Variants in RRP15 observed in about 807,000 individuals in gnomAD.
RRP15 encodes the protein RRP15-like protein.
Under a neutral mutation model 27.1 loss-of-function variants are expected in RRP15, and 18 were observed. The ratio of observed to expected loss-of-function variants is 0.66; its 90% confidence interval spans 0.46 to 0.98. The LOEUF is 0.98. Ranked by LOEUF, RRP15 falls within the 50% of genes least tolerant of loss-of-function variation. The pLI, the probability that RRP15 is intolerant of heterozygous loss-of-function variation, is 0.00. For synonymous variants in RRP15, 107 were observed against 109.4 expected, an observed-to-expected ratio of 0.98 and a Z score of 0.14; for missense variants, 359 against 337.8, an observed-to-expected ratio of 1.06 and a Z score of -0.49.
chr1:218,299,943 T>G, intron 1 of RRP15, among the ~76,000 whole-genome samples: 1 of 152,182 alleles, frequency 6.6e-6, no homozygotes, highest in East Asian at 1.9e-4. Flanking sequence ...TTCAGTCTTT[T>G]ATTGAATTTG....
chr1:218,316,393 T>A (rs1656090440), intron 4 of RRP15, among the ~76,000 whole-genome samples: 1 of 152,196 alleles, frequency 6.6e-6, no homozygotes, highest in African/African-American at 2.4e-5. Context: ...ATTTGACTTT[T>A]AAAAATGCAT....
In RRP15 at chr1:218,332,525, A is replaced by T. The variant is rs1215013111; in HGVS notation, c.*1434A>T. ...CCAGTTGCACATACTTGCATCTGTT[A>T]TGTATTGAAGGATAATCCCCCCCAA... On this transcript the variant is annotated 3_prime_UTR_variant, in exon 5 of 5. Coordinates refer to ENST00000366932, the MANE Select transcript of RRP15 (RefSeq NM_016052.4). 6.6e-6 allele frequency: 1 copy of T among 152,140 alleles called. No individual in the cohort carries two copies. The highest frequency in any genetic ancestry group is 1.9e-4 in the East Asian group (1 of 5,194). The allele number at this position is 152,140 out of a possible 1,614,324, so 9.4% of individuals were successfully genotyped here.
rs1418545699 is a variant in RRP15 at position 218,336,571 on chromosome 1, A to G, written c.*5480A>G. ...TTTGCATTTGCAGAACCAGACTTCA[A>G]TCTTAGGTAAAAATGTATCCCTCCC... On this transcript the variant is annotated 3_prime_UTR_variant, in exon 5 of 5. Transcript: ENST00000366932. The G allele has an allele frequency of 6.6e-6, 1 of 152,596 alleles. No homozygotes were observed. The highest frequency in any genetic ancestry group is 2.1e-4 in the South Asian group (1 of 4,818). 9.5% of individuals were successfully genotyped at this position (152,596 alleles called of 1,614,324 possible).
Position 218,334,967 on chromosome 1 carries a change from T to A in RRP15, c.*3876T>A, listed in dbSNP as rs971770895. ...AGCTTTTCTGAAATTTGATTAAACA[T>A]ATTAGTCAAGGGAATCTGTGAATAG... On this transcript the variant is annotated 3_prime_UTR_variant, in exon 5 of 5. Transcript: ENST00000366932. The A allele has an allele frequency of 6.6e-6, 1 of 152,198 alleles. No homozygotes were observed. The highest frequency in any genetic ancestry group is 2.4e-5 in the African/African-American group (1 of 41,452). 9.4% of individuals were successfully genotyped at this position (152,198 alleles called of 1,614,324 possible). A position where few individuals can be genotyped will look rare whatever the true frequency, so the allele number is the denominator to read the frequency against.
At chr1:218,312,337 C>G (rs1571802575) in intron 4 of RRP15, among the ~76,000 whole-genome samples, 1 of 129,498 alleles carries the variant, frequency 7.7e-6, no homozygotes, top group South Asian at 2.4e-4. Context: ...CGTTTTGATT[C>G]TTTTCTTTTT....
chr1:218,291,656 C>T (rs1451545417), intron 1 of RRP15, among the ~76,000 whole-genome samples: 3 of 150,586 alleles, frequency 2.0e-5, no homozygotes, highest in African/African-American at 4.9e-5. Flanking sequence ...CTCAGCCTTC[C>T]GAGTAGCTGG....
Position 218,334,549 on chromosome 1 carries a change from G to C in RRP15, c.*3458G>C, listed in dbSNP as rs1339050286. On this transcript the variant is annotated 3_prime_UTR_variant, in exon 5 of 5. Coordinates refer to ENST00000366932, the MANE Select transcript of RRP15 (RefSeq NM_016052.4). Reference sequence around the variant, plus strand: ...ACTGATGAAGTTTATGTAGAGCTGTGAATATTATAATTTGTCAATACTTTA... The same window carrying C: ...ACTGATGAAGTTTATGTAGAGCTGTCAATATTATAATTTGTCAATACTTTA... The C allele has an allele frequency of 6.6e-6, 1 of 152,122 alleles. No homozygotes were observed. The highest frequency in any genetic ancestry group is 1.5e-5 in the Non-Finnish European group (1 of 68,024). The allele number at this position is 152,122 out of a possible 1,614,324, so 9.4% of individuals were successfully genotyped here.
At chr1:218,294,869 A>T (rs1017985749) in intron 1 of RRP15, among the ~76,000 whole-genome samples, 17 of 152,276 alleles carry the variant, frequency 1.1e-4, no homozygotes, top group Admixed American at 3.9e-4. Context: ...ATACAAGAAG[A>T]TACTCCTTTG....
rs1015435644 is a variant in RRP15, at chr1:218,332,187, T to C, written c.*1096T>C. The C allele has an allele frequency of 1.3e-5, 2 of 152,148 alleles. No individual in the cohort carries two copies. The highest frequency in any genetic ancestry group is 4.8e-5 in the African/African-American group (2 of 41,440). The allele number at this position is 152,148 out of a possible 1,614,324, so 9.4% of individuals were successfully genotyped here. On this transcript the variant is annotated 3_prime_UTR_variant, in exon 5 of 5. Transcript: ENST00000366932. ...TTTTTTTCCTCCCAAATATTTGAGT[T>C]AGCTTAAATTCTTTTTTATGGACTG...
intron 4 of RRP15, among the ~76,000 whole-genome samples, chr1:218,314,007 A>G (rs760233486): frequency 7.3e-5 from 11 of 150,924 alleles, no homozygotes; most frequent in Non-Finnish European, 1.3e-4. Context: ...ATTTTATTTT[A>G]TTTTATGTTT....
At position 218,336,074 on chromosome 1, in the gene RRP15, A is replaced by C. The variant is rs1656442917; in HGVS notation, c.*4983A>C. ...GAGAACTGCCGGAGCAACAGATACCACCATGTAAGGAGTGAATTCCCATGT... is the reference window on the plus strand; with the variant it reads ...GAGAACTGCCGGAGCAACAGATACCCCCATGTAAGGAGTGAATTCCCATGT... On this transcript the variant is annotated 3_prime_UTR_variant, in exon 5 of 5. Coordinates refer to ENST00000366932, the MANE Select transcript of RRP15 (RefSeq NM_016052.4). 6.6e-6 allele frequency: 1 copy of C among 152,196 alleles called. No individual in the cohort carries two copies. The highest frequency in any genetic ancestry group is 1.5e-5 in the Non-Finnish European group (1 of 68,024). 9.4% of individuals were successfully genotyped at this position (152,196 alleles called of 1,614,324 possible).
chr1:218,291,636 A>G (rs1009551180), intron 1 of RRP15, among the ~76,000 whole-genome samples: 5 of 149,062 alleles, frequency 3.4e-5, no homozygotes, highest in African/African-American at 1.2e-4. Context: ...GGTTCAAGCA[A>G]TTCTTCTGCC....
At chr1:218,296,563 G>T (rs1430427111) in intron 1 of RRP15, among the ~76,000 whole-genome samples, 2 of 151,634 alleles carry the variant, frequency 1.3e-5, no homozygotes, top group African/African-American at 4.9e-5. Flanking sequence ...AGAGGATTGT[G>T]TGAGCCTGGG....
In RRP15 at chr1:218,331,992, T is replaced by C. The variant is rs1656378642; in HGVS notation, c.*901T>C. The C allele has an allele frequency of 6.6e-6, 1 of 152,148 alleles. No individual in the cohort carries two copies. The highest frequency in any genetic ancestry group is 6.5e-5 in the Admixed American group (1 of 15,284). The allele number at this position is 152,148 out of a possible 1,614,324, so 9.4% of individuals were successfully genotyped here. On this transcript the variant is annotated 3_prime_UTR_variant, in exon 5 of 5. Transcript: ENST00000366932. ...TGCGCCCGGCCCAGATTTCAACTTT[T>C]ATTTTATTTCCTTTCATTTATTAAA...
At chr1:218,312,850 T>G (rs1017248538) in intron 4 of RRP15, among the ~76,000 whole-genome samples, 1 of 152,218 alleles carries the variant, frequency 6.6e-6, no homozygotes, top group Non-Finnish European at 1.5e-5. Context: ...TTCAGATTCC[T>G]TATAGTTTTC....
intron 4 of RRP15, among the ~76,000 whole-genome samples, chr1:218,314,349 A>G (rs1225276092): frequency 6.6e-6 from 1 of 152,216 alleles, no homozygotes; most frequent in Non-Finnish European, 1.5e-5. Flanking sequence ...TCAAGATTTT[A>G]TTAATGTAGA....
chr1:218,305,205 C>A, intron 3 of RRP15, 80 bp downstream of exon 3: 3 of 1,099,642 alleles, frequency 2.7e-6, no homozygotes, highest in Non-Finnish European at 4.1e-6. Context: ...CAATTTGATT[C>A]TTAAGCTCAG....
chr1:218,290,975 G>T (rs1446792725), intron 1 of RRP15, among the ~76,000 whole-genome samples: 2 of 150,850 alleles, frequency 1.3e-5, no homozygotes, highest in Non-Finnish European at 1.5e-5. Flanking sequence ...CAAAAAAAAT[G>T]GAAAAAACTA....
chr1:218,335,354 T>A lies in RRP15; in HGVS notation c.*4263T>A, dbSNP rs1656432586. On this transcript the variant is annotated 3_prime_UTR_variant, in exon 5 of 5. Transcript: ENST00000366932. The stretch of plus-strand genomic sequence containing the variant: ...CTCCTTCAGTGGGAGGAGCACATAT[T>A]CAGCTTTCTGTTAAACACTCTTTGG... 1 of 152,208 alleles carries A rather than the reference T, an allele frequency of 6.6e-6. No homozygotes were observed. Among genetic ancestry groups the A allele is most frequent in the African/African-American group, 2.4e-5 (1 of 41,466 alleles). 9.4% of individuals were successfully genotyped at this position (152,208 alleles called of 1,614,324 possible).
Sources: gnomAD v4.1 joint callset for allele counts (sites outside exome capture counted in the v4.1 genomes callset) on GRCh38, gnomAD v4.1.1 for gene constraint, MANE v1.5 for transcripts, NCBI Gene and HGNC (gene_info 2026-07-23, HGNC 2026-07-21) for gene names.